Variants in PLA2R1 observed in about 807,000 individuals in gnomAD.
PLA2R1 encodes phospholipase A2 receptor 1.
A neutral mutation model predicts 195.9 loss-of-function variants in PLA2R1; 158 were observed. That is an observed-to-expected ratio of 0.81 (90% CI 0.71 to 0.92). PLA2R1 has a LOEUF of 0.92. PLA2R1 is among the 40% of genes least tolerant of loss of function. The pLI, the probability that PLA2R1 is intolerant of heterozygous loss-of-function variation, is 0.00. For synonymous variants in PLA2R1, 586 were observed against 598.2 expected (o/e 0.98, Z 0.30); for missense variants, 1,626 against 1,764.6 (o/e 0.92, Z 1.41).
chr2:160,045,876 C>A (rs115180243), intron 1 of PLA2R1, among the ~76,000 whole-genome samples: 1 of 152,140 alleles, frequency 6.6e-6, no homozygotes, highest in Non-Finnish European at 1.5e-5. Context: ...ACCACCATTA[C>A]GGTGGCAGAA....
At chr2:159,976,453 T>C (rs1284720367) in intron 16 of PLA2R1, among the ~76,000 whole-genome samples, 1 of 152,206 alleles carries the variant, frequency 6.6e-6, no homozygotes, top group Admixed American at 6.5e-5. Flanking sequence ...AGGTCGGGGA[T>C]AGGTACATAT....
intron 28 of PLA2R1, among the ~76,000 whole-genome samples, chr2:159,942,661 C>T (rs1687151043): frequency 6.6e-6 from 1 of 152,214 alleles, no homozygotes; most frequent in Non-Finnish European, 1.5e-5. Context: ...CCTTTGTGAT[C>T]TCATGGGTCT....
chr2:160,062,546 TGC>T lies in PLA2R1; in HGVS notation c.-145_-144del. The T allele has an allele frequency of 1.7e-5, 23 of 1,369,196 alleles. No homozygotes were observed. Among genetic ancestry groups the T allele is most frequent in the Non-Finnish European group, 2.2e-5 (23 of 1,061,866 alleles). The allele number at this position is 1,369,196 out of a possible 1,614,324, so 84.8% of individuals were successfully genotyped here. Reference sequence around the variant, plus strand: ...CGCGCCCCACCCCCTCCGGGGGCCTTGCCAGCCCAGAGCCCTGGAGACCCACT... The same window carrying T: ...CGCGCCCCACCCCCTCCGGGGGCCTTCAGCCCAGAGCCCTGGAGACCCACT... On this transcript the variant is annotated 5_prime_UTR_variant, in exon 1 of 30. Transcript: ENST00000283243.
chr2:160,045,017 T>C lies in PLA2R1; in HGVS notation c.250A>G (p.Ile84Val), dbSNP rs771880480. 1 of 1,614,052 alleles carries C rather than the reference T, an allele frequency of 6.2e-7. No homozygotes were observed. Among genetic ancestry groups the C allele is most frequent in the East Asian group, 2.2e-5 (1 of 44,886 alleles). ...KWVSNHGLFN[I>V]GGSGCLGLNF... ...AGGCCCAGGCAACCACTGCCTCCTA[T>C]GTTAAAGAGGCCATGGTTTGAAACC... is the stretch of plus-strand genomic sequence containing the variant. The change falls in exon 2 of 30, where the codon ATA becomes GTA. Residue 84 changes from isoleucine to valine, a missense_variant. By Grantham distance (29) the Ile-to-Val change is conservative. Coordinates refer to ENST00000283243, the MANE Select transcript of PLA2R1 (RefSeq NM_007366.5).
At chr2:159,999,170 T>C (rs1691427182) in intron 11 of PLA2R1, among the ~76,000 whole-genome samples, 1 of 152,152 alleles carries the variant, frequency 6.6e-6, no homozygotes. Context: ...CACCTTAATC[T>C]TGGACTTCCC....
downstream of PLA2R1, among the ~76,000 whole-genome samples, chr2:159,931,488 T>C (rs1052058603): frequency 6.6e-6 from 1 of 152,186 alleles, no homozygotes; most frequent in South Asian, 2.1e-4. Flanking sequence ...GAGCTATTAT[T>C]GAGCAAGACA....
intron 1 of PLA2R1, among the ~76,000 whole-genome samples, chr2:160,059,389 A>G (rs1256532840): frequency 2.0e-5 from 3 of 152,198 alleles, no homozygotes; most frequent in African/African-American, 7.2e-5. Flanking sequence ...TCAACCTGTC[A>G]AAATGTCTGG....
chr2:159,985,535 A>G (rs1471827671), intron 12 of PLA2R1, among the ~76,000 whole-genome samples: 1 of 152,232 alleles, frequency 6.6e-6, no homozygotes, highest in African/African-American at 2.4e-5. Context: ...TTTTAAAAAT[A>G]GAAATGTCTT....
intron 2 of PLA2R1, among the ~76,000 whole-genome samples, chr2:160,044,180 T>C (rs537819827): frequency 2.0e-4 from 31 of 151,926 alleles, no homozygotes; most frequent in Admixed American, 1.6e-3. Context: ...AAAATAACCA[T>C]AGAAAATGAA....
At chr2:160,045,442 T>C (rs1450443217) in intron 1 of PLA2R1, among the ~76,000 whole-genome samples, 1 of 152,154 alleles carries the variant, frequency 6.6e-6, no homozygotes, top group East Asian at 1.9e-4. Context: ...CTCAGGTCTG[T>C]TACTGACAGA....
In PLA2R1 at chr2:159,955,845, C is replaced by T. The variant is rs1392744402; in HGVS notation, c.3023-17G>A. On this transcript the variant is annotated splice_polypyrimidine_tract_variant and intron_variant, in intron 21 of 29. Coordinates refer to ENST00000283243, the MANE Select transcript of PLA2R1 (RefSeq NM_007366.5). ...TAATGAAAGCTGAAAAACAGGAATACATTATCTAATTTAATACTGTAGAAA... is the reference window on the plus strand; with the variant it reads ...TAATGAAAGCTGAAAAACAGGAATATATTATCTAATTTAATACTGTAGAAA... The T allele has an allele frequency of 3.2e-6, 5 of 1,563,484 alleles. No homozygotes were observed. Among genetic ancestry groups the T allele is most frequent in the South Asian group, 1.1e-5 (1 of 88,540 alleles).
In PLA2R1 at chr2:159,938,070, C is replaced by A. The variant is rs1430763491; in HGVS notation, c.*3708G>T. ...TAAATCAGTTTTAAGAAAAAATATA[C>A]ATGAAGATTCTGGAAATTAAGTTTC... On this transcript the variant is annotated 3_prime_UTR_variant, in exon 30 of 30. Transcript: ENST00000283243. 1 of 152,180 alleles carries A rather than the reference C, an allele frequency of 6.6e-6. No homozygotes were observed. Among genetic ancestry groups the A allele is most frequent in the Non-Finnish European group, 1.5e-5 (1 of 68,024 alleles). 9.4% of individuals were successfully genotyped at this position (152,180 alleles called of 1,614,324 possible).
intron 2 of PLA2R1, among the ~76,000 whole-genome samples, chr2:160,043,484 A>G (rs3792195): frequency 0.22 from 33,604 of 152,106 alleles, 5,064 homozygotes; most frequent in African/African-American, 0.42. Flanking sequence ...AAGGACCAGC[A>G]GTGGAGAGCC....
chr2:160,005,703 C>T lies in PLA2R1; in HGVS notation c.1783G>A (p.Gly595Arg), dbSNP rs138355952. The part of the protein sequence containing the change: ...DTGEYTWKPV[G>R]QKPEPVQYTH... ...TACTGCACCGGCTCGGGTTTCTGCC[C>T]TACTGGCTTCCAAGTGTATTCTCCC... The change falls in exon 11 of 30, where the codon GGG becomes AGG. Residue 595 changes from glycine (G) to arginine (R), a missense_variant. Coordinates refer to ENST00000283243, the MANE Select transcript of PLA2R1 (RefSeq NM_007366.5). 5.0e-6 allele frequency: 8 copies of T among 1,613,944 alleles called. No homozygotes were observed. The African/African-American group carries it at 1.1e-4, about 22-fold the overall frequency.
chr2:159,984,445 TA>T (rs1193289017), intron 12 of PLA2R1, among the ~76,000 whole-genome samples: 1 of 152,188 alleles, frequency 6.6e-6, no homozygotes, highest in Non-Finnish European at 1.5e-5. Context: ...CACACAGCTA[TA>T]AACTGGCAGA....
intron 1 of PLA2R1, among the ~76,000 whole-genome samples, chr2:160,053,759 G>A (rs898016047): frequency 6.6e-6 from 1 of 152,268 alleles, no homozygotes; most frequent in Non-Finnish European, 1.5e-5. Context: ...GAGTTGGGAG[G>A]AGGCAGCTGA....
intron 1 of PLA2R1, among the ~76,000 whole-genome samples, chr2:160,059,481 T>G (rs1695806677): frequency 6.6e-6 from 1 of 152,192 alleles, no homozygotes; most frequent in South Asian, 2.1e-4. Flanking sequence ...AGCTCCATTT[T>G]ACAGATGAGG....
chr2:159,977,175 A>AT (rs1289430319), intron 15 of PLA2R1, 109 bp downstream of exon 15: 14 of 830,822 alleles, frequency 1.7e-5, no homozygotes, highest in Non-Finnish European at 2.6e-5. Flanking sequence ...AGTGTAATTT[A>AT]TTTTATCATG....
At chr2:159,931,094 C>G (rs1350063273), downstream of PLA2R1, among the ~76,000 whole-genome samples, 1 of 152,212 alleles carries the variant, frequency 6.6e-6, no homozygotes, top group African/African-American at 2.4e-5. Flanking sequence ...TGCTGTGGGA[C>G]CAGCCAAGCT....
Sources: allele counts gnomAD v4.1 joint callset (sites outside exome capture counted in the v4.1 genomes callset), GRCh38; gene constraint gnomAD v4.1.1; transcripts MANE v1.5; gene names NCBI Gene and HGNC (gene_info 2026-07-23, HGNC 2026-07-21).